TSPAN19: variants seen among roughly 807,000 people sequenced by gnomAD.
The protein encoded by TSPAN19 is tetraspanin 19.
TSPAN19 carries 44 observed loss-of-function variants against 35.1 expected under a neutral mutation model. The ratio of observed to expected loss-of-function variants is 1.25; its 90% confidence interval spans 0.98 to 1.61. TSPAN19 has a LOEUF of 1.61. Ranked by LOEUF, TSPAN19 falls within the 40% of genes most tolerant of loss-of-function variation. TSPAN19 has a pLI of 0.00. For missense variants in TSPAN19, 290 were observed against 280.0 expected (o/e 1.04, Z -0.26); for synonymous variants, 79 against 92.0 (o/e 0.86, Z 0.81).
intron 4 of TSPAN19, among the ~76,000 whole-genome samples, chr12:85,026,177 C>T (rs1877399722): frequency 6.6e-6 from 1 of 152,106 alleles, no homozygotes; most frequent in Non-Finnish European, 1.5e-5. Context: ...TTCCTATCCC[C>T]TGCCCACTAC....
intron 8 of TSPAN19, chr12:85,015,541 T>TATACACACAC (rs374178837): frequency 1.4e-5 from 2 of 146,788 alleles, no homozygotes; most frequent in African/African-American, 5.1e-5. Context: ...TATGAACATA[T>TATACACACAC]ACACACACAC....
At chr12:85,035,167 A>C (rs1278003700) in intron 1 of TSPAN19, 2 of 152,138 alleles carry the variant, frequency 1.3e-5, no homozygotes, top group African/African-American at 4.8e-5. Context: ...CCAAGGCGGG[A>C]GGATTACTTG....
At chr12:85,024,996 G>A (rs1346483708) in intron 4 of TSPAN19, among the ~76,000 whole-genome samples, 1 of 151,264 alleles carries the variant, frequency 6.6e-6, no homozygotes, top group Admixed American at 6.6e-5. Flanking sequence ...ATGTTTCCTA[G>A]TTTCAGAGAA....
At chr12:85,025,292 C>A (rs1877344933) in intron 4 of TSPAN19, among the ~76,000 whole-genome samples, 1 of 151,052 alleles carries the variant, frequency 6.6e-6, no homozygotes, top group Non-Finnish European at 1.5e-5. Flanking sequence ...CCCACCACCA[C>A]ACCAGGCTGA....
At chr12:85,021,086 A>G (rs1325697273) in intron 5 of TSPAN19, among the ~76,000 whole-genome samples, 2 of 152,076 alleles carry the variant, frequency 1.3e-5, no homozygotes, top group Admixed American at 1.3e-4. Context: ...AAATTTATAT[A>G]ATTTTTTATA....
In TSPAN19 at chr12:85,015,985, G is replaced by T. The variant is rs1258587408; in HGVS notation, c.595-14C>A. The T allele has an allele frequency of 1.4e-6, 2 of 1,460,316 alleles. No homozygotes were observed. The highest frequency in any genetic ancestry group is 4.4e-5 in the Admixed American group (2 of 45,192). The allele number at this position is 1,460,316 out of a possible 1,614,324, so 90.5% of individuals were successfully genotyped here. A position where few individuals can be genotyped will look rare whatever the true frequency, so the allele number is the denominator to read the frequency against. Reference sequence around the variant, plus strand: ...ATTTTCACAACCCTAAGAAAAAGAAGTTATTCAGATGGACATGGAGATGGA... The same window carrying T: ...ATTTTCACAACCCTAAGAAAAAGAATTTATTCAGATGGACATGGAGATGGA... On this transcript the variant is annotated splice_polypyrimidine_tract_variant and intron_variant, in intron 7 of 8. Coordinates refer to ENST00000532498, the MANE Select transcript of TSPAN19 (RefSeq NM_001100917.2).
intron 1 of TSPAN19, chr12:85,035,265 A>G (rs763012208): frequency 5.9e-5 from 9 of 152,132 alleles, no homozygotes; most frequent in Non-Finnish European, 1.0e-4. Context: ...CTCTAAAAAA[A>G]CAATAAAAAA....
chr12:85,015,541 T>TATATAC (rs374178837), intron 8 of TSPAN19: 1,564 of 146,934 alleles, frequency 0.011, 16 homozygotes, highest in African/African-American at 0.03. Context: ...TATGAACATA[T>TATATAC]ACACACACAC....
intron 4 of TSPAN19, among the ~76,000 whole-genome samples, chr12:85,026,377 C>G (rs1349453368): frequency 6.6e-6 from 1 of 151,808 alleles, no homozygotes; most frequent in Non-Finnish European, 1.5e-5. Flanking sequence ...AGAGGGTTGG[C>G]CTTGGAGGAG....
chr12:85,016,036 A>G lies in TSPAN19; in HGVS notation c.595-65T>C, dbSNP rs1175906920. 4 of 1,041,206 alleles carry G rather than the reference A, an allele frequency of 3.8e-6. No individual in the cohort carries two copies. In the East Asian group the frequency reaches 1.1e-4, roughly 30 times the overall value. 64.5% of individuals were successfully genotyped at this position (1,041,206 alleles called of 1,614,324 possible). A position where few individuals can be genotyped will look rare whatever the true frequency, so the allele number is the denominator to read the frequency against. ...AATGATCTTATACATAAATCTTTACAAAAAATAAAAGGTAAACAGAGATTA... is the reference window on the plus strand; with the variant it reads ...AATGATCTTATACATAAATCTTTACGAAAAATAAAAGGTAAACAGAGATTA... On this transcript the variant is annotated intron_variant, in intron 7 of 8. Coordinates refer to ENST00000532498, the MANE Select transcript of TSPAN19 (RefSeq NM_001100917.2).
At chr12:85,032,667 C>T (rs1877742027) in intron 1 of TSPAN19, among the ~76,000 whole-genome samples, 1 of 152,106 alleles carries the variant, frequency 6.6e-6, no homozygotes, top group African/African-American at 2.4e-5. Context: ...GCTTTTTCAG[C>T]CATAAGCTCC....
intron 6 of TSPAN19, 103 bp downstream of exon 6, chr12:85,019,518 TACAAC>T: frequency 1.5e-6 from 1 of 652,870 alleles, no homozygotes; most frequent in Non-Finnish European, 2.7e-6. Context: ...TTGAAAGAAA[TACAAC>T]AAACTTTCAT....
intron 4 of TSPAN19, chr12:85,024,636 GC>G (rs1306317983): frequency 6.5e-6 from 1 of 153,076 alleles, no homozygotes; most frequent in Admixed American, 6.5e-5. Context: ...AATTAGCCAG[GC>G]ATGGTGGCTC....
At chr12:85,028,899 G>A (rs192405603) in intron 3 of TSPAN19, among the ~76,000 whole-genome samples, 1 of 152,260 alleles carries the variant, frequency 6.6e-6, no homozygotes, top group Admixed American at 6.5e-5. Flanking sequence ...AAGGTTAGAA[G>A]GTTTGGGCAA....
chr12:85,014,596 A>G, intron 8 of TSPAN19, 41 bp from the exon 9 acceptor site: 1 of 1,445,824 alleles, frequency 6.9e-7, no homozygotes, highest in Non-Finnish European at 9.6e-7. Context: ...AATTTAATCA[A>G]TGATAAGAGT....
chr12:85,017,692 T>C, intron 6 of TSPAN19, 93 bp from the exon 7 acceptor site: 1 of 928,986 alleles, frequency 1.1e-6, no homozygotes, highest in Non-Finnish European at 1.6e-6. Context: ...GTGATGAAGA[T>C]AACTCATTAA....
intron 6 of TSPAN19, among the ~76,000 whole-genome samples, chr12:85,019,016 G>A (rs1309614139): frequency 6.6e-6 from 1 of 151,698 alleles, no homozygotes; most frequent in Non-Finnish European, 1.5e-5. Flanking sequence ...CCCTTCCACT[G>A]CACCTGTCTG....
At chr12:85,029,637 C>T (rs1460735815) in intron 3 of TSPAN19, 82 bp downstream of exon 3, 1 of 1,046,366 alleles carries the variant, frequency 9.6e-7, no homozygotes, top group Non-Finnish European at 1.4e-6. Flanking sequence ...GAAATACTGC[C>T]ACCTGCTGAA....
chr12:85,023,329 CTCTT>C lies in TSPAN19; in HGVS notation c.332_335del (p.Lys111ArgfsTer27). 6.3e-7 allele frequency: 1 copy of C among 1,578,316 alleles called. No homozygotes were observed. Among genetic ancestry groups the C allele is most frequent in the East Asian group, 2.3e-5 (1 of 43,664 alleles). ...GAAAAGGATTTACTTTCCATACCTC[CTCTT>C]TCTTTGTGATGATGAATGCTGAAAG... On this transcript the variant is annotated frameshift_variant, in exon 5 of 9. Transcript: ENST00000532498. LOFTEE classifies it high-confidence loss of function.
Sources: gnomAD v4.1 joint callset for allele counts (sites outside exome capture counted in the v4.1 genomes callset) on GRCh38, gnomAD v4.1.1 for gene constraint, MANE v1.5 for transcripts, NCBI Gene and HGNC (gene_info 2026-07-23, HGNC 2026-07-21) for gene names.